The following ZNF385D variants were observed in gnomAD, a reference collection of about 807,000 sequenced individuals.
ZNF385D encodes zinc finger protein 659.
Under a neutral mutation model 35.8 loss-of-function variants are expected in ZNF385D, and 15 were observed. The observed-to-expected ratio is 0.42, with a 90% CI of 0.28 to 0.64. The LOEUF (loss-of-function observed/expected upper bound fraction) is 0.64, where lower values mean the gene tolerates loss of function less well. Among genes scored for constraint, ZNF385D ranks in the 30% least tolerant of loss-of-function variants. ZNF385D has a pLI of 0.23. For synonymous variants in ZNF385D, 212 were observed against 186.8 expected (o/e 1.13, Z -1.10); for missense variants, 474 against 494.6 (o/e 0.96, Z 0.39).
chr3:21,531,789 T>C (rs568763020), intron 3 of ZNF385D, among the ~76,000 whole-genome samples: 1 of 152,180 alleles, frequency 6.6e-6, no homozygotes, highest in Non-Finnish European at 1.5e-5. Context: ...TCTAAGGCAA[T>C]GAAGCTATTC....
At chr3:22,354,079 T>C (rs1494218) in intron 2 of ZNF385D, among the ~76,000 whole-genome samples, 48,086 of 151,942 alleles carry the variant, frequency 0.32, 8,378 homozygotes, top group African/African-American at 0.44. Context: ...ACTCCAATGC[T>C]CCATCTGCTT....
At chr3:22,191,857 T>A (rs1696054926) in intron 2 of ZNF385D, among the ~76,000 whole-genome samples, 1 of 152,124 alleles carries the variant, frequency 6.6e-6, no homozygotes. Flanking sequence ...GGAGAATGTA[T>A]CAATATTTTA....
chr3:22,008,372 T>TTTTTTTTTTTTTG (rs1696352106), intron 3 of ZNF385D, among the ~76,000 whole-genome samples: 3 of 150,672 alleles, frequency 2.0e-5, no homozygotes, highest in Admixed American at 6.6e-5. Context: ...TTTTTTTTTT[T>TTTTTTTTTTTTTG]GAGGCGGAGT....
intron 3 of ZNF385D, among the ~76,000 whole-genome samples, chr3:22,012,221 G>A (rs112930578): frequency 6.6e-6 from 1 of 152,066 alleles, no homozygotes; most frequent in African/African-American, 2.4e-5. Flanking sequence ...CCTCTTCATT[G>A]ACATTTTAAG....
chr3:22,354,615 C>A (rs567556784), intron 2 of ZNF385D, among the ~76,000 whole-genome samples: 1 of 151,542 alleles, frequency 6.6e-6, no homozygotes, highest in Non-Finnish European at 1.5e-5. Flanking sequence ...ATTTAGTTAC[C>A]ATGGTTTTAA....
intron 3 of ZNF385D, among the ~76,000 whole-genome samples, chr3:22,090,157 T>C (rs1181314425): frequency 1.3e-5 from 2 of 152,152 alleles, no homozygotes; most frequent in Admixed American, 1.3e-4. Flanking sequence ...TAATTATTTA[T>C]GGTAAACTTT....
At chr3:22,035,372 T>C (rs2125491209) in intron 3 of ZNF385D, among the ~76,000 whole-genome samples, 1 of 152,342 alleles carries the variant, frequency 6.6e-6, no homozygotes, top group Admixed American at 6.5e-5. Flanking sequence ...ATTTTGAATG[T>C]TAAGCAAAAT....
intron 3 of ZNF385D, among the ~76,000 whole-genome samples, chr3:22,123,960 C>CTATATATATATA (rs1222647240): frequency 6.9e-5 from 5 of 72,854 alleles, no homozygotes; most frequent in African/African-American, 1.8e-4. Flanking sequence ...CTCTCTCTCT[C>CTATATATATATA]TCTATATATA....
At chr3:22,336,809 G>C (rs900924487) in intron 2 of ZNF385D, among the ~76,000 whole-genome samples, 2 of 146,704 alleles carry the variant, frequency 1.4e-5, no homozygotes, top group African/African-American at 5.0e-5. Flanking sequence ...TGTAGGACCA[G>C]AGTGTTTAAG....
intron 3 of ZNF385D, among the ~76,000 whole-genome samples, chr3:22,043,817 C>T (rs1337055314): frequency 6.6e-6 from 1 of 152,060 alleles, no homozygotes; most frequent in Non-Finnish European, 1.5e-5. Context: ...TGATGAAAAT[C>T]TTGCTTGCTC....
At chr3:22,009,492 G>C (rs913791918) in intron 3 of ZNF385D, among the ~76,000 whole-genome samples, 1 of 151,436 alleles carries the variant, frequency 6.6e-6, no homozygotes, top group Non-Finnish European at 1.5e-5. Flanking sequence ...GCGTGGTGTC[G>C]GGTGCCTATA....
intron 1 of ZNF385D, among the ~76,000 whole-genome samples, chr3:21,725,412 TC>T (rs1299428691): frequency 6.6e-6 from 1 of 151,554 alleles, no homozygotes; most frequent in East Asian, 1.9e-4. Context: ...TTCGAAAAGA[TC>T]AACAAAATAG....
In ZNF385D at chr3:21,494,918, G is replaced by A. The variant is rs185617208; in HGVS notation, c.439+15943C>T. ...ACTGGTTAACAATATCTGTGTCCCCGTCTACCTCCTTTATAGGAAAAGATT... is the reference window on the plus strand; with the variant it reads ...ACTGGTTAACAATATCTGTGTCCCCATCTACCTCCTTTATAGGAAAAGATT... On this transcript the variant is annotated intron_variant, in intron 4 of 7. Transcript: ENST00000281523. Among the ~76,000 whole-genome samples, 144 of 152,190 alleles carry A rather than the reference G, an allele frequency of 9.5e-4. 1 individual carries two copies. The Middle Eastern group carries it at 0.02, about 22-fold the overall frequency.
At chr3:22,317,640 C>T (rs188830973) in intron 2 of ZNF385D, among the ~76,000 whole-genome samples, 58 of 152,320 alleles carry the variant, frequency 3.8e-4, no homozygotes, top group African/African-American at 1.4e-3. Context: ...TCCCCTCCTC[C>T]CCTAGGAATA....
At chr3:22,261,397 A>G (rs1700624150) in intron 2 of ZNF385D, among the ~76,000 whole-genome samples, 1 of 152,086 alleles carries the variant, frequency 6.6e-6, no homozygotes, top group South Asian at 2.1e-4. Flanking sequence ...AGGTTGAATT[A>G]GCTTGGTAAG....
intron 2 of ZNF385D, among the ~76,000 whole-genome samples, chr3:21,578,645 A>G (rs2063562919): frequency 6.6e-6 from 1 of 152,068 alleles, no homozygotes; most frequent in African/African-American, 2.4e-5. Flanking sequence ...TTGGCTATAA[A>G]TATGTGTGTT....
intron 4 of ZNF385D, among the ~76,000 whole-genome samples, chr3:21,479,663 A>C (rs534641692): frequency 6.6e-6 from 1 of 152,280 alleles, no homozygotes; most frequent in Non-Finnish European, 1.5e-5. Flanking sequence ...TTACATTTTT[A>C]TTAACATCAT....
At chr3:22,071,816 C>G (rs960245881) in intron 3 of ZNF385D, among the ~76,000 whole-genome samples, 1 of 152,018 alleles carries the variant, frequency 6.6e-6, no homozygotes, top group Non-Finnish European at 1.5e-5. Context: ...AGTTAAGTGC[C>G]TAAGACAAGC....
rs1164217197 is a variant in ZNF385D, at chr3:21,904,562, CTTCT to C, written c.326-239538_326-239535del. Among the ~76,000 whole-genome samples, 8 of 152,186 alleles carry C rather than the reference CTTCT, an allele frequency of 5.3e-5. No homozygotes were observed. In the East Asian group the frequency reaches 1.4e-3, roughly 26 times the overall value. On this transcript the variant is annotated intron_variant, in intron 3 of 5. Transcript: ENST00000494108. ...CAAAGTCACGTCATCTTTCTGGATT[CTTCT>C]TTCTGTTTCTGTAAAATGAAGGGCC...
Sources: allele counts gnomAD v4.1 joint callset (sites outside exome capture counted in the v4.1 genomes callset), GRCh38; gene constraint gnomAD v4.1.1; transcripts MANE v1.5; gene names NCBI Gene and HGNC (gene_info 2026-07-23, HGNC 2026-07-21).